The following ANG variants were observed in gnomAD, a reference collection of about 807,000 sequenced individuals.
The protein encoded by ANG is Homo sapiens epididymis luminal protein 168.
For synonymous variants in ANG, 74 were observed against 73.8 expected (o/e 1.00, Z -0.02); for missense variants, 178 against 187.4 (o/e 0.95, Z 0.29).
intron 1 of ANG, among the ~76,000 whole-genome samples, chr14:20,690,197 G>A (rs1388016508): frequency 1.6e-5 from 2 of 123,180 alleles, no homozygotes; most frequent in Non-Finnish European, 3.2e-5. Context: ...AGTCCGGCCT[G>A]GGCGACAGAG....
intron 1 of ANG, among the ~76,000 whole-genome samples, chr14:20,692,979 C>T (rs958472086): frequency 4.6e-5 from 7 of 151,638 alleles, no homozygotes; most frequent in African/African-American, 1.5e-4. Context: ...TCCCGAGTAG[C>T]TGGGACTACA....
chr14:20,685,515 AGC>A (rs1886381693), upstream of ANG, among the ~76,000 whole-genome samples: 1 of 152,232 alleles, frequency 6.6e-6, no homozygotes, highest in Non-Finnish European at 1.5e-5. Context: ...CCTTCCCAGA[AGC>A]AGCCTCAGGT....
intron 1 of ANG, among the ~76,000 whole-genome samples, chr14:20,691,447 G>C (rs11156631): frequency 6.6e-6 from 1 of 152,204 alleles, no homozygotes; most frequent in Non-Finnish European, 1.5e-5. Context: ...TGAAAAGCAT[G>C]ATGTAAATGT....
intron 1 of ANG, among the ~76,000 whole-genome samples, chr14:20,692,689 A>T (rs1886831550): frequency 6.6e-6 from 1 of 152,244 alleles, no homozygotes. Flanking sequence ...TGTCTTCCAC[A>T]AAAATGATCC....
chr14:20,691,039 T>C (rs1002792767), intron 1 of ANG, among the ~76,000 whole-genome samples: 2 of 152,240 alleles, frequency 1.3e-5, no homozygotes, highest in African/African-American at 4.8e-5. Context: ...GAGGTGTCCT[T>C]GGTCTTAATA....
chr14:20,689,986 C>T (rs1886638744), intron 1 of ANG, among the ~76,000 whole-genome samples: 1 of 147,116 alleles, frequency 6.8e-6, no homozygotes, highest in Non-Finnish European at 1.5e-5. Flanking sequence ...GAGGCCGAGG[C>T]GGGTGGATCA....
At chr14:20,693,074 C>T (rs986117024) in intron 1 of ANG, among the ~76,000 whole-genome samples, 1 of 151,980 alleles carries the variant, frequency 6.6e-6, no homozygotes, top group African/African-American at 2.4e-5. Context: ...GTCTCGATCT[C>T]CTGACCTCGT....
At chr14:20,689,010 A>G (rs1458310764) in intron 1 of ANG, 136 bp downstream of exon 1, 10 of 350,366 alleles carry the variant, frequency 2.9e-5, no homozygotes, top group African/African-American at 4.4e-5. Flanking sequence ...TCTAAAGTTT[A>G]AAATGAAAAC....
chr14:20,693,504 A>C, intron 1 of ANG, 43 bp from the exon 2 acceptor site: 3 of 1,603,902 alleles, frequency 1.9e-6, no homozygotes, highest in Non-Finnish European at 2.5e-6. Flanking sequence ...TAATTTGGTG[A>C]TGCTGTTCTT....
intron 1 of ANG, among the ~76,000 whole-genome samples, chr14:20,689,566 G>T (rs1412644683): frequency 1.3e-5 from 2 of 152,128 alleles, no homozygotes; most frequent in African/African-American, 4.8e-5. Flanking sequence ...GAGAGGGAGA[G>T]AATAATTCTT....
upstream of ANG, among the ~76,000 whole-genome samples, chr14:20,685,051 A>G (rs985283415): frequency 6.6e-6 from 1 of 152,156 alleles, no homozygotes; most frequent in African/African-American, 2.4e-5. Context: ...GGGAAGCCCT[A>G]GGAGGCCTGC....
At chr14:20,691,812 TAGAA>T (rs1296314788) in intron 1 of ANG, among the ~76,000 whole-genome samples, 1 of 152,188 alleles carries the variant, frequency 6.6e-6, no homozygotes, top group Non-Finnish European at 1.5e-5. Context: ...AAATGCAAAT[TAGAA>T]AGAGAGCCCA....
chr14:20,693,528 C>A lies in ANG; in HGVS notation c.-18-19C>A. 1.2e-6 allele frequency: 2 copies of A among 1,608,338 alleles called. No homozygotes were observed. The highest frequency in any genetic ancestry group is 2.2e-5 in the South Asian group (2 of 90,980). Reference sequence around the variant, plus strand: ...GATGCTGTTCTTGGGTCTACCACACCTCCTTTTGCCCTCCGCAGGAGCCTG... The same window carrying A: ...GATGCTGTTCTTGGGTCTACCACACATCCTTTTGCCCTCCGCAGGAGCCTG... On this transcript the variant is annotated intron_variant, in intron 1 of 1. Coordinates refer to ENST00000397990, the MANE Select transcript of ANG (RefSeq NM_001097577.3).
At chr14:20,686,551 G>A (rs1421483989), upstream of ANG, among the ~76,000 whole-genome samples, 1 of 152,226 alleles carries the variant, frequency 6.6e-6, no homozygotes, top group Non-Finnish European at 1.5e-5. Context: ...AGAATGCCAT[G>A]AAATACTTGG....
upstream of ANG, among the ~76,000 whole-genome samples, chr14:20,685,541 T>A (rs143728392): frequency 1.5e-3 from 226 of 152,322 alleles, no homozygotes; most frequent in African/African-American, 4.8e-3. Context: ...CAAGACTTAC[T>A]TAACCACAGA....
chr14:20,690,931 C>A (rs1886709947), intron 1 of ANG, among the ~76,000 whole-genome samples: 1 of 152,196 alleles, frequency 6.6e-6, no homozygotes, highest in African/African-American at 2.4e-5. Flanking sequence ...TTGGAAATGG[C>A]ACCCGTGAAA....
upstream of ANG, among the ~76,000 whole-genome samples, chr14:20,685,497 C>T (rs190012637): frequency 2.0e-5 from 3 of 152,292 alleles, no homozygotes; most frequent in East Asian, 5.8e-4. Context: ...ATCTGTGGCA[C>T]AGGACCACCT....
intron 1 of ANG, among the ~76,000 whole-genome samples, chr14:20,693,008 C>T (rs910619583): frequency 3.3e-5 from 5 of 151,732 alleles, no homozygotes; most frequent in South Asian, 2.1e-4. Flanking sequence ...CCACTACGCC[C>T]GGCTAATTTT....
chr14:20,692,999 C>T (rs923230431), intron 1 of ANG, among the ~76,000 whole-genome samples: 11 of 152,028 alleles, frequency 7.2e-5, no homozygotes, highest in East Asian at 1.9e-4. Context: ...AGGCGCCCGC[C>T]ACTACGCCCG....
Sources: allele counts gnomAD v4.1 joint callset (sites outside exome capture counted in the v4.1 genomes callset), GRCh38; gene constraint gnomAD v4.1.1; transcripts MANE v1.5; gene names NCBI Gene and HGNC (gene_info 2026-07-23, HGNC 2026-07-21).